The following CSMD1 variants were observed in gnomAD, a reference collection of about 807,000 sequenced individuals.
The protein encoded by CSMD1 is CUB and sushi domain-containing protein 1.
A neutral mutation model predicts 417.5 loss-of-function variants in CSMD1; 213 were observed. That is an observed-to-expected ratio of 0.51 (90% confidence interval 0.46 to 0.57). CSMD1 has a LOEUF of 0.57. Ranked by LOEUF, CSMD1 falls within the 20% of genes least tolerant of loss-of-function variation. The pLI is 0.00. For missense variants in CSMD1, 6,923 were observed against 4,529.7 expected (o/e 1.53, Z -15.17); for synonymous variants, 2,862 against 1,736.8 (o/e 1.65, Z -16.11).
intron 5 of CSMD1, among the ~76,000 whole-genome samples, chr8:3,907,160 T>C (rs538088030): frequency 1.3e-5 from 2 of 152,328 alleles, no homozygotes; most frequent in Non-Finnish European, 2.9e-5. Flanking sequence ...TGTGTATTAC[T>C]TTAAACGGCA....
intron 36 of CSMD1, among the ~76,000 whole-genome samples, chr8:3,185,350 T>C (rs1205443442): frequency 1.3e-5 from 2 of 152,242 alleles, no homozygotes; most frequent in African/African-American, 2.4e-5. Context: ...ACAGAGGCAA[T>C]GTGGTCACTT....
intron 1 of CSMD1, among the ~76,000 whole-genome samples, chr8:4,966,086 G>T (rs35524253): frequency 1.3e-5 from 2 of 151,614 alleles, no homozygotes; most frequent in Non-Finnish European, 2.9e-5. Flanking sequence ...GTTCCAGGCC[G>T]GGTGTGATGG....
Position 3,492,142 on chromosome 8 carries a change from T to C in CSMD1, c.1448+1481A>G, listed in dbSNP as rs147997079. The stretch of plus-strand genomic sequence containing the variant: ...TGAACTACTTAAGATCTTTAACCTA[T>C]TGGGACTGAAACGGGTGGGCGTGGG... On this transcript the variant is annotated intron_variant, in intron 11 of 69. Transcript: ENST00000635120. Among the ~76,000 whole-genome samples the C allele has an allele frequency of 7.3e-3, 1,119 of 152,288 alleles. 12 individuals carry two copies. Among genetic ancestry groups the C allele is most frequent in the Middle Eastern group, 0.024 (7 of 294 alleles).
At chr8:4,317,914 A>G (rs1224050071) in intron 3 of CSMD1, among the ~76,000 whole-genome samples, 1 of 152,230 alleles carries the variant, frequency 6.6e-6, no homozygotes, top group East Asian at 1.9e-4. Flanking sequence ...AAAGGAGAAC[A>G]AAATGTCAAG....
intron 20 of CSMD1, among the ~76,000 whole-genome samples, chr8:3,363,551 C>T (rs1353589680): frequency 1.4e-5 from 2 of 144,338 alleles, no homozygotes; most frequent in African/African-American, 2.6e-5. Flanking sequence ...TTTTTGAGAC[C>T]GAGTCTCGCT....
At chr8:4,663,888 T>G (rs74453707) in intron 1 of CSMD1, among the ~76,000 whole-genome samples, 5,895 of 152,252 alleles carry the variant, frequency 0.039, 160 homozygotes, top group East Asian at 0.12. Context: ...AAAAGCATCC[T>G]GGGGTTCTTC....
Position 3,396,255 on chromosome 8 carries a change from C to A in CSMD1, c.2532G>T (p.Met844Ile), listed in dbSNP as rs1208168683. 6 of 1,583,282 alleles carry A rather than the reference C, an allele frequency of 3.8e-6. No homozygotes were observed. Among genetic ancestry groups the A allele is most frequent in the Non-Finnish European group, 3.4e-6 (4 of 1,164,452 alleles). Residue 844 changes from methionine (M) to isoleucine (I), a missense_variant, in exon 17 of 70, where the codon ATG (methionine) becomes ATT (isoleucine). Transcript: ENST00000635120. ...TGTTGTCAGTGGTGAACAGCAGGTA[C>A]ATGAAGTTCCCGGTGCTGATGAGGA... Reference protein sequence around the residue: ...PQFLISTGNFMYLLFTTDNSR... With the variant: ...PQFLISTGNFIYLLFTTDNSR...
chr8:3,038,957 T>C (rs1810885175), intron 50 of CSMD1, among the ~76,000 whole-genome samples: 1 of 152,112 alleles, frequency 6.6e-6, no homozygotes, highest in African/African-American at 2.4e-5. Context: ...CTATATAGAT[T>C]AGGTAAACTG....
At chr8:3,380,852 G>A (rs1279945031) in intron 18 of CSMD1, among the ~76,000 whole-genome samples, 1 of 151,410 alleles carries the variant, frequency 6.6e-6, no homozygotes, top group East Asian at 1.9e-4. Flanking sequence ...TAACAAACCT[G>A]CACGATCCGC....
intron 1 of CSMD1, among the ~76,000 whole-genome samples, chr8:4,675,178 A>C (rs76855204): frequency 0.015 from 2,238 of 152,318 alleles, 27 homozygotes; most frequent in Non-Finnish European, 0.024. Flanking sequence ...TTTAGTTTTA[A>C]ACCTTAGAAC....
chr8:3,334,588 C>T (rs911553890), intron 23 of CSMD1, among the ~76,000 whole-genome samples: 1 of 152,228 alleles, frequency 6.6e-6, no homozygotes, highest in Non-Finnish European at 1.5e-5. Context: ...TTAATTTTCG[C>T]ATCCACAGGC....
chr8:3,496,040 T>C (rs563203528), intron 10 of CSMD1, among the ~76,000 whole-genome samples: 2 of 152,288 alleles, frequency 1.3e-5, no homozygotes, highest in South Asian at 4.1e-4. Context: ...ATTAGCTCTT[T>C]TCCCTGAAGC....
chr8:3,225,773 T>A (rs988522668), intron 27 of CSMD1, among the ~76,000 whole-genome samples: 2 of 152,104 alleles, frequency 1.3e-5, no homozygotes, highest in Admixed American at 6.5e-5. Flanking sequence ...AATTAAGGAG[T>A]GCTGCCTGGC....
chr8:4,573,693 A>G lies in CSMD1; in HGVS notation c.302+63649T>C, dbSNP rs187385029. On this transcript the variant is annotated intron_variant, in intron 2 of 69. Transcript: ENST00000635120. ...CTGTCTTCAGAGCCAGCAGGCAGAA[A>G]GAGTTAGGTCTGCTGAAGCTGCACC... Among the ~76,000 whole-genome samples, 44 of 152,222 alleles carry G rather than the reference A, an allele frequency of 2.9e-4. No individual in the cohort carries two copies. The South Asian group carries it at 6.4e-3, about 22-fold the overall frequency.
Position 4,959,243 on chromosome 8 carries a change from T to A in CSMD1, c.85+35089A>T, listed in dbSNP as rs143851841. Among the ~76,000 whole-genome samples the A allele has an allele frequency of 2.4e-3, 360 of 152,336 alleles. 4 individuals are homozygous for A. Among genetic ancestry groups the A allele is most frequent in the Non-Finnish European group, 7.2e-4 (49 of 68,024 alleles). On this transcript the variant is annotated intron_variant, in intron 1 of 69. Transcript: ENST00000635120. ...CGGTGCTTGTTATGTATTTTTAAAA[T>A]GGATTCTGGGGTCATATGTTTTGGA...
chr8:3,678,075 G>A (rs911368181), intron 7 of CSMD1, among the ~76,000 whole-genome samples: 13 of 152,212 alleles, frequency 8.5e-5, no homozygotes, highest in African/African-American at 2.9e-4. Flanking sequence ...GGCTGAATAG[G>A]AACAGCTCCA....
intron 3 of CSMD1, among the ~76,000 whole-genome samples, chr8:4,041,525 A>G (rs925956366): frequency 1.3e-5 from 2 of 152,198 alleles, no homozygotes; most frequent in Admixed American, 6.5e-5. Flanking sequence ...AGAATGTTCA[A>G]GAATATTTAT....
At chr8:4,046,575 T>C (rs1348420522) in intron 3 of CSMD1, among the ~76,000 whole-genome samples, 1 of 152,216 alleles carries the variant, frequency 6.6e-6, no homozygotes, top group East Asian at 1.9e-4. Context: ...TCCAGGTATT[T>C]TTCTTTAATT....
chr8:4,007,889 TAAG>T (rs1344845070), intron 4 of CSMD1, among the ~76,000 whole-genome samples: 2 of 151,860 alleles, frequency 1.3e-5, no homozygotes, highest in Non-Finnish European at 2.9e-5. Flanking sequence ...GTGGCTTTCT[TAAG>T]AATGAGTGTT....
Sources: allele counts gnomAD v4.1 joint callset (sites outside exome capture counted in the v4.1 genomes callset), GRCh38; gene constraint gnomAD v4.1.1; transcripts MANE v1.5; gene names NCBI Gene and HGNC (gene_info 2026-07-23, HGNC 2026-07-21).